KIR3DL2: variants seen among roughly 807,000 people sequenced by gnomAD.
KIR3DL2 encodes killer cell immunoglobulin-like receptor 3DL2.
In KIR3DL2, 42 loss-of-function variants were observed where a neutral mutation model predicts 41.6. That is an observed-to-expected ratio of 1.01 (90% CI 0.79 to 1.31). The LOEUF (loss-of-function observed/expected upper bound fraction) is 1.31. Ranked by LOEUF, KIR3DL2 falls within the 50% of genes most tolerant of loss-of-function variation. The pLI is 0.00. For missense variants in KIR3DL2, 728 were observed against 576.8 expected, an observed-to-expected ratio of 1.26 and a Z score of -2.68; for synonymous variants, 230 against 221.3, an observed-to-expected ratio of 1.04 and a Z score of -0.35.
intron 7 of KIR3DL2, among the ~76,000 whole-genome samples, 155 bp from the exon 8 acceptor site, chr19:54,866,215 T>C (rs377482990): frequency 6.6e-6 from 1 of 151,392 alleles, no homozygotes; most frequent in Non-Finnish European, 1.5e-5. Context: ...TGGGATGGGG[T>C]CTTGAACTCA....
intron 6 of KIR3DL2, among the ~76,000 whole-genome samples, chr19:54,862,475 A>G (rs1480308719): frequency 1.3e-5 from 2 of 152,120 alleles, no homozygotes; most frequent in Admixed American, 1.3e-4. Flanking sequence ...TTACATAGGC[A>G]GGTTCATTAC....
At chr19:54,860,228 A>G (rs1462708208) in intron 6 of KIR3DL2, among the ~76,000 whole-genome samples, 1 of 152,142 alleles carries the variant, frequency 6.6e-6, no homozygotes, top group Non-Finnish European at 1.5e-5. Context: ...ACAAACAGTG[A>G]ACAAGATGCA....
chr19:54,857,152 C>G (rs1456737248), intron 5 of KIR3DL2, among the ~76,000 whole-genome samples: 3 of 134,702 alleles, frequency 2.2e-5, no homozygotes, highest in Admixed American at 7.4e-5. Flanking sequence ...CAAAGTGGTG[C>G]GATCTTGGCT....
At chr19:54,853,654 A>G in intron 3 of KIR3DL2, 93 bp from the exon 4 acceptor site, 1 of 1,431,044 alleles carries the variant, frequency 7.0e-7, no homozygotes, top group Admixed American at 1.8e-5. Flanking sequence ...GGAGAGAGAC[A>G]GACCTCTGGG....
At chr19:54,866,283 G>A in intron 7 of KIR3DL2, 87 bp from the exon 8 acceptor site, 1 of 1,395,778 alleles carries the variant, frequency 7.2e-7, no homozygotes, top group Non-Finnish European at 1.0e-6. Context: ...GGCACCTACA[G>A]CCTCCCCCTG....
chr19:54,851,321 G>A, intron 2 of KIR3DL2, 66 bp downstream of exon 2: 1 of 1,538,312 alleles, frequency 6.5e-7, no homozygotes, highest in Non-Finnish European at 8.9e-7. Flanking sequence ...GAAACAGGAG[G>A]GAAGTCCTGT....
intron 6 of KIR3DL2, among the ~76,000 whole-genome samples, chr19:54,859,648 G>C (rs1297047444): frequency 6.6e-6 from 1 of 151,810 alleles, no homozygotes; most frequent in African/African-American, 2.4e-5. Flanking sequence ...CTCAGGCTGT[G>C]CAGTGTGGAA....
At chr19:54,851,634 GA>G (rs1244707949) in intron 2 of KIR3DL2, among the ~76,000 whole-genome samples, 1 of 151,620 alleles carries the variant, frequency 6.6e-6, no homozygotes, top group South Asian at 2.1e-4. Flanking sequence ...GAAGAGGGGG[GA>G]AACCACAGCC....
intron 6 of KIR3DL2, among the ~76,000 whole-genome samples, chr19:54,865,292 G>C (rs764173965): frequency 1.5e-4 from 23 of 152,034 alleles, no homozygotes; most frequent in Non-Finnish European, 2.6e-4. Context: ...TTCCTGTGAC[G>C]GCCTCAGGCT....
chr19:54,856,241 C>T (rs1280875603), intron 5 of KIR3DL2, among the ~76,000 whole-genome samples: 1 of 148,808 alleles, frequency 6.7e-6, no homozygotes, highest in African/African-American at 2.5e-5. Flanking sequence ...GAAGCCCATC[C>T]TGGCCTCTCA....
At chr19:54,850,967 TG>T (rs2064174755) in intron 1 of KIR3DL2, among the ~76,000 whole-genome samples, 4 of 133,796 alleles carry the variant, frequency 3.0e-5, no homozygotes, top group Admixed American at 7.5e-5. Context: ...GATATGGGCC[TG>T]GAGTGGAGAT....
chr19:54,853,801 G>A lies in KIR3DL2; in HGVS notation c.410G>A (p.Gly137Glu), dbSNP rs1276945404. 6.2e-6 allele frequency: 10 copies of A among 1,612,152 alleles called. No individual in the cohort carries two copies. Among genetic ancestry groups the A allele is most frequent in the Non-Finnish European group, 8.5e-6 (10 of 1,179,102 alleles). The stretch of plus-strand genomic sequence containing the variant: ...CACCCAGGGCCCCTGCTGAAATCAG[G>A]AGAGACAGTCATCCTGCAATGTTGG... ...LAHPGPLLKS[G>E]ETVILQCWSD... The change falls in exon 4 of 9, where the codon GGA (glycine) becomes GAA (glutamate). Residue 137 changes from glycine to glutamate, a missense_variant. Coordinates refer to ENST00000326321, the MANE Select transcript of KIR3DL2 (RefSeq NM_006737.4).
chr19:54,854,388 G>A lies in KIR3DL2; in HGVS notation c.655+342G>A, dbSNP rs1020525383. ...AGGTTAGAAGTTTCATTTCTGTTTTGTCTCCACAAAGTGCTTCTACGAGGA... is the reference window on the plus strand; with the variant it reads ...AGGTTAGAAGTTTCATTTCTGTTTTATCTCCACAAAGTGCTTCTACGAGGA... On this transcript the variant is annotated intron_variant, in intron 4 of 8. Transcript: ENST00000326321. 1.6e-3 allele frequency among the ~76,000 whole-genome samples: 243 copies of A among 151,888 alleles called. 8 individuals are homozygous for A. The highest frequency in any genetic ancestry group is 5.5e-3 in the African/African-American group (226 of 41,230).
intron 6 of KIR3DL2, among the ~76,000 whole-genome samples, chr19:54,864,537 C>T (rs2065377977): frequency 6.6e-6 from 1 of 151,970 alleles, no homozygotes; most frequent in Non-Finnish European, 1.5e-5. Context: ...TTTCATTGAG[C>T]AGTGGTTTGT....
chr19:54,863,948 T>G (rs1228474065), intron 6 of KIR3DL2, among the ~76,000 whole-genome samples: 5 of 152,132 alleles, frequency 3.3e-5, no homozygotes, highest in Non-Finnish European at 7.4e-5. Context: ...ATGTCCTGAA[T>G]GGTAATGCCT....
Position 54,866,732 on chromosome 19 carries a change from G to A in KIR3DL2, c.*1G>A. On this transcript the variant is annotated 3_prime_UTR_variant, in exon 9 of 9. Coordinates refer to ENST00000326321, the MANE Select transcript of KIR3DL2 (RefSeq NM_006737.4). Reference sequence around the variant, plus strand: ...GTCAGGTCTTGAGGGGGTTTTCTAGGGAGACAACAGCCCTGTCTCAAAACC... The same window carrying A: ...GTCAGGTCTTGAGGGGGTTTTCTAGAGAGACAACAGCCCTGTCTCAAAACC... 1 of 1,613,576 alleles carries A rather than the reference G, an allele frequency of 6.2e-7. No individual in the cohort carries two copies. Among genetic ancestry groups the A allele is most frequent in the Non-Finnish European group, 8.5e-7 (1 of 1,179,804 alleles).
chr19:54,850,564 A>G (rs2064098268), intron 1 of KIR3DL2, 55 bp downstream of exon 1: 15 of 1,586,302 alleles, frequency 9.5e-6, no homozygotes, highest in Non-Finnish European at 1.3e-5. Context: ...ATCTCGGCCT[A>G]GAGGTAAAGA....
Position 54,853,874 on chromosome 19 carries a change from T to A in KIR3DL2, c.483T>A (p.Ser161=). ...TCTTTCTGCACAGAGAGGGGATCTCTGAGGACCCCTCACGCCTCGTTGGAC... is the reference window on the plus strand; with the variant it reads ...TCTTTCTGCACAGAGAGGGGATCTCAGAGGACCCCTCACGCCTCGTTGGAC... The part of the protein sequence containing the change: ...EHFFLHREGI[S]EDPSRLVGQI... Residue 161 remains serine, a synonymous_variant, in exon 4 of 9, where the codon TCT becomes TCA. Coordinates refer to ENST00000326321, the MANE Select transcript of KIR3DL2 (RefSeq NM_006737.4). The A allele has an allele frequency of 6.2e-7, 1 of 1,613,380 alleles. No individual in the cohort carries two copies. Among genetic ancestry groups the A allele is most frequent in the Non-Finnish European group, 8.5e-7 (1 of 1,179,798 alleles).
rs1484046105 is a variant in KIR3DL2, at chr19:54,867,077, T to A, written c.*346T>A. The A allele has an allele frequency of 9.3e-6, 3 of 323,556 alleles. No individual in the cohort carries two copies. Among genetic ancestry groups the A allele is most frequent in the Non-Finnish European group, 1.7e-5 (3 of 177,188 alleles). The allele number at this position is 323,556 out of a possible 1,614,324, so 20.0% of individuals were successfully genotyped here. A position where few individuals can be genotyped will look rare whatever the true frequency, so the allele number is the denominator to read the frequency against. ...AACACGGCACTTACACACTTGCTGT[T>A]CCACCTTCCCTCATGCTGTTCCACC... On this transcript the variant is annotated 3_prime_UTR_variant, in exon 9 of 9. Coordinates refer to ENST00000326321, the MANE Select transcript of KIR3DL2 (RefSeq NM_006737.4).
Sources: allele counts gnomAD v4.1 joint callset (sites outside exome capture counted in the v4.1 genomes callset), GRCh38; gene constraint gnomAD v4.1.1; transcripts MANE v1.5; gene names NCBI Gene and HGNC (gene_info 2026-07-23, HGNC 2026-07-21).